The following EXOC4 variants were observed in gnomAD, a reference collection of about 807,000 sequenced individuals.
EXOC4 encodes SEC8-like 1.
Under a neutral mutation model 107.2 loss-of-function variants are expected in EXOC4, and 71 were observed. The observed-to-expected ratio is 0.66, with a 90% CI of 0.55 to 0.81. The LOEUF (loss-of-function observed/expected upper bound fraction) is 0.81, where lower values mean the gene tolerates loss of function less well. EXOC4 is among the 30% of genes least tolerant of loss of function. The pLI, the probability that EXOC4 is intolerant of heterozygous loss-of-function variation, is 0.00. For synonymous variants in EXOC4, 456 were observed against 441.2 expected, an observed-to-expected ratio of 1.03 and a Z score of -0.42; for missense variants, 1,108 against 1,189.6, an observed-to-expected ratio of 0.93 and a Z score of 1.01.
intron 9 of EXOC4, chr7:133,576,832 T>A: frequency 7.8e-7 from 1 of 1,289,656 alleles, no homozygotes; most frequent in Non-Finnish European, 1.0e-6. Flanking sequence ...CCTCGAGATT[T>A]AGGGCCAATT....
intron 3 of EXOC4, among the ~76,000 whole-genome samples, chr7:133,299,667 C>T (rs981893657): frequency 2.0e-5 from 3 of 152,144 alleles, no homozygotes; most frequent in Admixed American, 2.0e-4. Flanking sequence ...TCTGAAGATA[C>T]TTTAAAGAAT....
chr7:133,991,288 G>C, intron 14 of EXOC4, among the ~76,000 whole-genome samples: 1 of 151,334 alleles, frequency 6.6e-6, no homozygotes, highest in East Asian at 1.9e-4. Context: ...TTTTGTTTTC[G>C]TTTTTTGTTT....
At chr7:133,374,539 G>A (rs899374419) in intron 6 of EXOC4, among the ~76,000 whole-genome samples, 4 of 152,064 alleles carry the variant, frequency 2.6e-5, no homozygotes, top group South Asian at 2.1e-4. Context: ...ATGTTAAAAC[G>A]GCAACATATG....
At chr7:133,796,556 G>A (rs563116149) in intron 10 of EXOC4, among the ~76,000 whole-genome samples, 2 of 152,182 alleles carry the variant, frequency 1.3e-5, no homozygotes, top group South Asian at 2.1e-4. Context: ...TCAAGAGATC[G>A]AGACCATCCT....
the EXOC4 span, among the ~76,000 whole-genome samples, chr7:134,094,395 G>A: frequency 1.3e-5 from 2 of 152,024 alleles, no homozygotes; most frequent in Non-Finnish European, 2.9e-5. Context: ...GACCAATATC[G>A]AGTTCTGAAA....
At chr7:133,607,797 A>G (rs141753277) in intron 9 of EXOC4, among the ~76,000 whole-genome samples, 1 of 152,346 alleles carries the variant, frequency 6.6e-6, no homozygotes, top group African/African-American at 2.4e-5. Context: ...AGTGCCTGCT[A>G]TATGCTATGT....
chr7:133,514,027 C>G (rs1264682634), intron 9 of EXOC4, among the ~76,000 whole-genome samples: 1 of 152,068 alleles, frequency 6.6e-6, no homozygotes, highest in Non-Finnish European at 1.5e-5. Flanking sequence ...TGATACTTAG[C>G]ATTTATTGTT....
intron 11 of EXOC4, among the ~76,000 whole-genome samples, chr7:133,826,209 A>G (rs7811403): frequency 0.038 from 5,815 of 152,002 alleles, 380 homozygotes; most frequent in African/African-American, 0.13. Context: ...GCTAATAGAG[A>G]CTTTTGGGAT....
At chr7:133,698,562 C>T (rs930829842) in intron 10 of EXOC4, among the ~76,000 whole-genome samples, 6 of 113,000 alleles carry the variant, frequency 5.3e-5, no homozygotes, top group African/African-American at 2.1e-4. Context: ...AGCACAGACA[C>T]CAGAGTGGTG....
intron 10 of EXOC4, among the ~76,000 whole-genome samples, chr7:133,661,465 A>G (rs1476867629): frequency 1.3e-5 from 2 of 152,146 alleles, no homozygotes; most frequent in African/African-American, 4.8e-5. Context: ...CAGAAAACTC[A>G]GAAAGAAATG....
intron 9 of EXOC4, chr7:133,576,599 C>G (rs1801134080): frequency 8.5e-6 from 11 of 1,289,756 alleles, no homozygotes; most frequent in Non-Finnish European, 1.1e-5. Flanking sequence ...GCGGATTTCT[C>G]AAGGGGGTAG....
In EXOC4 at chr7:134,065,587, G is replaced by C. The variant is rs532689058; in HGVS notation, c.*1059G>C. 1 of 152,252 alleles carries C rather than the reference G, an allele frequency of 6.6e-6. No homozygotes were observed. The highest frequency in any genetic ancestry group is 6.5e-5 in the Admixed American group (1 of 15,268). The allele number at this position is 152,252 out of a possible 1,614,324, so 9.4% of individuals were successfully genotyped here. A position where few individuals can be genotyped will look rare whatever the true frequency, so the allele number is the denominator to read the frequency against. On this transcript the variant is annotated 3_prime_UTR_variant, in exon 18 of 18. Coordinates refer to ENST00000253861, the MANE Select transcript of EXOC4 (RefSeq NM_021807.4). ...TTCATAGGTCATAGAAGGCAGCAAT[G>C]CACTGACTGGGCCACATCTTGAAAA...
chr7:134,081,349 CA>C, the EXOC4 span, among the ~76,000 whole-genome samples: 1 of 152,026 alleles, frequency 6.6e-6, no homozygotes, highest in Non-Finnish European at 1.5e-5. Context: ...GACTCCGCCT[CA>C]AAAAATTAAA....
At chr7:133,667,655 T>C (rs532741474) in intron 10 of EXOC4, among the ~76,000 whole-genome samples, 2 of 152,346 alleles carry the variant, frequency 1.3e-5, no homozygotes, top group South Asian at 4.1e-4. Context: ...TCATAGAAGG[T>C]TATTGTTTTG....
At chr7:133,887,063 A>G (rs1799100659) in intron 11 of EXOC4, among the ~76,000 whole-genome samples, 1 of 152,176 alleles carries the variant, frequency 6.6e-6, no homozygotes, top group Non-Finnish European at 1.5e-5. Context: ...AACCATTAGA[A>G]TTAAACCATG....
At chr7:133,683,738 T>C (rs1794236459) in intron 10 of EXOC4, among the ~76,000 whole-genome samples, 1 of 152,096 alleles carries the variant, frequency 6.6e-6, no homozygotes, top group Non-Finnish European at 1.5e-5. Flanking sequence ...TGTGAGATTG[T>C]AGGCATTCTT....
chr7:133,599,348 G>A (rs531576236), intron 9 of EXOC4, among the ~76,000 whole-genome samples: 1 of 152,258 alleles, frequency 6.6e-6, no homozygotes, highest in South Asian at 2.1e-4. Context: ...ATACAGCTGG[G>A]CATTATCTTT....
chr7:133,823,578 G>C (rs1319391028), intron 11 of EXOC4, among the ~76,000 whole-genome samples: 2 of 151,610 alleles, frequency 1.3e-5, no homozygotes, highest in African/African-American at 4.8e-5. Flanking sequence ...ACTTTGGGAG[G>C]CCGAGGCGGA....
chr7:133,722,486 G>A (rs1280023626), intron 10 of EXOC4, among the ~76,000 whole-genome samples: 3 of 152,102 alleles, frequency 2.0e-5, no homozygotes, highest in Admixed American at 2.0e-4. Flanking sequence ...AAGGGAAACT[G>A]GCTATTGTTA....
Sources: gnomAD v4.1 joint callset for allele counts (sites outside exome capture counted in the v4.1 genomes callset) on GRCh38, gnomAD v4.1.1 for gene constraint, MANE v1.5 for transcripts, NCBI Gene and HGNC (gene_info 2026-07-23, HGNC 2026-07-21) for gene names.